Variants in PARD3 observed in about 807,000 individuals in gnomAD.
The protein encoded by PARD3 is par-3 family cell polarity regulator.
Under a neutral mutation model 155.4 loss-of-function variants are expected in PARD3, and 75 were observed. That is an observed-to-expected ratio of 0.48 (90% confidence interval 0.40 to 0.58). The LOEUF is 0.58. Ranked by LOEUF, PARD3 falls within the 20% of genes least tolerant of loss-of-function variation. The pLI is 0.00. For missense variants in PARD3, 1,642 were observed against 1,721.7 expected (o/e 0.95, Z 0.82); for synonymous variants, 576 against 610.5 (o/e 0.94, Z 0.83).
At chr10:34,125,697 G>A (rs940597940) in intron 23 of PARD3, among the ~76,000 whole-genome samples, 3 of 152,176 alleles carry the variant, frequency 2.0e-5, no homozygotes, top group African/African-American at 7.2e-5. Context: ...GACAGATTTT[G>A]TTATTCATTG....
At chr10:34,695,902 G>A (rs749031080) in intron 2 of PARD3, among the ~76,000 whole-genome samples, 5 of 152,314 alleles carry the variant, frequency 3.3e-5, no homozygotes, top group African/African-American at 4.8e-5. Context: ...CCAAGGCCAC[G>A]GTTGGGATGG....
chr10:34,416,319 T>G (rs1453646632), intron 5 of PARD3, among the ~76,000 whole-genome samples: 1 of 152,148 alleles, frequency 6.6e-6, no homozygotes, highest in Admixed American at 6.6e-5. Context: ...ATAACTAGAC[T>G]AGATGCACTC....
chr10:34,574,961 G>C (rs919480694), intron 2 of PARD3, among the ~76,000 whole-genome samples: 2 of 152,108 alleles, frequency 1.3e-5, no homozygotes, highest in African/African-American at 4.8e-5. Flanking sequence ...TCATAAAGTA[G>C]AAAAGATTAC....
intron 2 of PARD3, among the ~76,000 whole-genome samples, chr10:34,681,107 A>G (rs1024228517): frequency 6.6e-6 from 1 of 152,114 alleles, no homozygotes; most frequent in Non-Finnish European, 1.5e-5. Context: ...ATGCAATATT[A>G]CTCAAAGTGT....
At chr10:34,666,810 TATATATACACACACACACAC>T (rs1451085007) in intron 2 of PARD3, among the ~76,000 whole-genome samples, 78 of 88,164 alleles carry the variant, frequency 8.8e-4, no homozygotes, top group African/African-American at 3.1e-3. Flanking sequence ...TATATATATA[TATATATACACACACACACAC>T]ACACACAAAC....
intron 5 of PARD3, among the ~76,000 whole-genome samples, chr10:34,416,766 G>A (rs1345757302): frequency 2.0e-5 from 3 of 152,184 alleles, no homozygotes; most frequent in Non-Finnish European, 4.4e-5. Context: ...ATAAAATAAT[G>A]TATGAATTTT....
intron 22 of PARD3, among the ~76,000 whole-genome samples, chr10:34,238,587 C>T (rs1953384403): frequency 6.6e-6 from 1 of 151,788 alleles, no homozygotes; most frequent in Non-Finnish European, 1.5e-5. Context: ...GAAATACATG[C>T]CCTTAAAAAA....
At chr10:34,559,225 A>G (rs180726105) in intron 2 of PARD3, among the ~76,000 whole-genome samples, 2 of 152,262 alleles carry the variant, frequency 1.3e-5, no homozygotes, top group East Asian at 3.9e-4. Context: ...AATTGATCTT[A>G]TTGGCAAAGT....
intron 3 of PARD3, among the ~76,000 whole-genome samples, chr10:34,489,260 G>A (rs764383631): frequency 3.9e-5 from 6 of 152,128 alleles, no homozygotes; most frequent in Non-Finnish European, 8.8e-5. Context: ...CAGAAGAATC[G>A]TTTGAACTGG....
intron 2 of PARD3, among the ~76,000 whole-genome samples, chr10:34,579,568 G>GTGTGTGTGTGTGTGTGTA (rs1554775588): frequency 7.4e-4 from 101 of 136,646 alleles, no homozygotes; most frequent in Non-Finnish European, 1.0e-3. Flanking sequence ...GTGTGTGTGT[G>GTGTGTGTGTGTGTGTGTA]TGTGTGTGTG....
At chr10:34,703,268 A>G (rs1293214665) in intron 1 of PARD3, among the ~76,000 whole-genome samples, 1 of 151,920 alleles carries the variant, frequency 6.6e-6, no homozygotes, top group Non-Finnish European at 1.5e-5. Context: ...ATGCACCCAC[A>G]GTCCCAGCTA....
At chr10:34,447,166 T>C (rs2076781155) in intron 5 of PARD3, among the ~76,000 whole-genome samples, 2 of 152,034 alleles carry the variant, frequency 1.3e-5, no homozygotes, top group African/African-American at 4.8e-5. Flanking sequence ...CACCTCACAC[T>C]GGTAGGATGG....
intron 23 of PARD3, 64 bp from the exon 24 acceptor site, chr10:34,119,804 T>C (rs565451223): frequency 1.2e-4 from 171 of 1,394,876 alleles, no homozygotes; most frequent in Non-Finnish European, 1.6e-4. Flanking sequence ...CACAACTGGT[T>C]GACTCCATTT....
intron 22 of PARD3, among the ~76,000 whole-genome samples, chr10:34,210,184 T>C (rs1360405439): frequency 6.6e-6 from 1 of 152,156 alleles, no homozygotes; most frequent in East Asian, 1.9e-4. Flanking sequence ...TCATAATCAA[T>C]GCAAAAACAG....
chr10:34,353,709 C>CAATAAATTA (rs1412924414), intron 14 of PARD3, among the ~76,000 whole-genome samples: 3 of 99,348 alleles, frequency 3.0e-5, no homozygotes, highest in African/African-American at 2.4e-4. Context: ...CAAGAATGAT[C>CAATAAATTA]AATAAATAAA....
intron 7 of PARD3, among the ~76,000 whole-genome samples, chr10:34,397,240 T>C (rs1039518568): frequency 1.1e-4 from 17 of 152,182 alleles, no homozygotes; most frequent in Non-Finnish European, 2.1e-4. Context: ...GACCACCTAC[T>C]TTTTCTCTCC....
At chr10:34,136,809 T>A (rs562306167) in intron 22 of PARD3, among the ~76,000 whole-genome samples, 1 of 152,344 alleles carries the variant, frequency 6.6e-6, no homozygotes, top group Admixed American at 6.5e-5. Context: ...CCAGCCCATG[T>A]TCATCTCTTC....
At chr10:34,609,780 A>T (rs182841716) in intron 2 of PARD3, among the ~76,000 whole-genome samples, 1 of 152,244 alleles carries the variant, frequency 6.6e-6, no homozygotes, top group Non-Finnish European at 1.5e-5. Flanking sequence ...GCCTCAAGCA[A>T]TTCTCCCACT....
At chr10:34,113,257 C>T (rs111385257) in intron 24 of PARD3, among the ~76,000 whole-genome samples, 11 of 152,302 alleles carry the variant, frequency 7.2e-5, no homozygotes, top group South Asian at 4.1e-4. Flanking sequence ...CCCCAGGCTT[C>T]GCTCTACGGC....
Sources: allele counts gnomAD v4.1 joint callset (sites outside exome capture counted in the v4.1 genomes callset), GRCh38; gene constraint gnomAD v4.1.1; transcripts MANE v1.5; gene names NCBI Gene and HGNC (gene_info 2026-07-23, HGNC 2026-07-21).